FAT3: variants seen among roughly 807,000 people sequenced by gnomAD.
FAT3 encodes protocadherin Fat 3.
A neutral mutation model predicts 310.2 loss-of-function variants in FAT3; 95 were observed. That is an observed-to-expected ratio of 0.31 (90% confidence interval 0.26 to 0.36). The LOEUF (loss-of-function observed/expected upper bound fraction) is 0.36. Among genes scored for constraint, FAT3 ranks in the 10% least tolerant of loss-of-function variants. The pLI is 1.00. For synonymous variants in FAT3, 2,314 were observed against 2,192.9 expected, an observed-to-expected ratio of 1.06 and a Z score of -1.54; for missense variants, 5,408 against 5,715.6, an observed-to-expected ratio of 0.95 and a Z score of 1.74.
chr11:92,644,725 C>A (rs1240681742), intron 3 of FAT3, among the ~76,000 whole-genome samples: 1 of 152,226 alleles, frequency 6.6e-6, no homozygotes, highest in South Asian at 2.1e-4. Context: ...ATGCGCACTG[C>A]TGCCTTTTCA....
chr11:92,558,533 C>A (rs1432899129), intron 3 of FAT3, among the ~76,000 whole-genome samples: 1 of 152,050 alleles, frequency 6.6e-6, no homozygotes, highest in Non-Finnish European at 1.5e-5. Context: ...ACTGAGCAAG[C>A]CCTATTTGTC....
At chr11:92,351,999 G>C (rs1277848252) in intron 1 of FAT3, 97 bp from the exon 2 acceptor site, 1 of 806,106 alleles carries the variant, frequency 1.2e-6, no homozygotes, top group African/African-American at 1.8e-5. Flanking sequence ...TTGTGATAAA[G>C]TTTTAAAAAG....
At chr11:92,676,582 T>G (rs1031532962) in intron 3 of FAT3, among the ~76,000 whole-genome samples, 10 of 152,156 alleles carry the variant, frequency 6.6e-5, no homozygotes, top group Non-Finnish European at 7.3e-5. Context: ...ACCGTTCCAT[T>G]TCAATACATT....
intron 2 of FAT3, among the ~76,000 whole-genome samples, chr11:92,500,766 A>T (rs1414894942): frequency 6.6e-6 from 1 of 151,960 alleles, no homozygotes; most frequent in East Asian, 1.9e-4. Flanking sequence ...ACCTTAATTT[A>T]CCTCCAGGCA....
At chr11:92,655,207 AAATG>A (rs138538905) in intron 3 of FAT3, among the ~76,000 whole-genome samples, 12,120 of 151,898 alleles carry the variant, frequency 0.08, 1,589 homozygotes, top group African/African-American at 0.28. Flanking sequence ...TAGGATAGGT[AAATG>A]AATGAATGAA....
chr11:92,837,566 T>A, intron 16 of FAT3, 97 bp from the exon 17 acceptor site: 2 of 1,454,494 alleles, frequency 1.4e-6, no homozygotes, highest in Non-Finnish European at 1.9e-6. Flanking sequence ...TGGTTGCTCT[T>A]TAACAAAGCA....
intron 3 of FAT3, among the ~76,000 whole-genome samples, chr11:92,567,136 C>G (rs1056647882): frequency 3.3e-5 from 5 of 151,690 alleles, no homozygotes; most frequent in Non-Finnish European, 7.4e-5. Context: ...ACAACCTACT[C>G]ATCTGACAAA....
intron 1 of FAT3, among the ~76,000 whole-genome samples, chr11:92,239,954 G>C (rs1864607226): frequency 6.6e-6 from 1 of 152,098 alleles, no homozygotes; most frequent in East Asian, 1.9e-4. Flanking sequence ...TTCATTGCCT[G>C]AAGTAGATTC....
At chr11:92,411,688 G>T (rs897827442) in intron 2 of FAT3, among the ~76,000 whole-genome samples, 1 of 152,080 alleles carries the variant, frequency 6.6e-6, no homozygotes, top group Non-Finnish European at 1.5e-5. Context: ...GGAAAGCAAA[G>T]TTCGCAAAGT....
At chr11:92,707,802 G>C (rs933804306) in intron 4 of FAT3, among the ~76,000 whole-genome samples, 32 of 152,196 alleles carry the variant, frequency 2.1e-4, no homozygotes, top group African/African-American at 7.7e-4. Flanking sequence ...AGAAACCACT[G>C]AAGCTCATGC....
rs56843577 is a variant in FAT3 at position 92,805,185 on chromosome 11, C to G, written c.8929C>G (p.Leu2977Val). Reference protein sequence around the residue: ...GNPRGRFALGLVQSEWKVYVK... With the variant: ...GNPRGRFALGVVQSEWKVYVK... ...CCCTCGAGGAAGGTTTGCTCTGGGCCTGGTGCAAAGTGAGTGGAAGGTCTA... is the reference window on the plus strand; with the variant it reads ...CCCTCGAGGAAGGTTTGCTCTGGGCGTGGTGCAAAGTGAGTGGAAGGTCTA... Residue 2977 changes from leucine to valine, a missense_variant, in exon 11 of 28, where the codon CTG (leucine) becomes GTG (valine). Coordinates refer to ENST00000525166, the MANE Select transcript of FAT3 (RefSeq NM_001367949.2). 1.2e-6 allele frequency: 2 copies of G among 1,612,956 alleles called. No homozygotes were observed. The highest frequency in any genetic ancestry group is 2.2e-5 in the South Asian group (2 of 90,956).
Position 92,441,049 on chromosome 11 carries a change from A to G in FAT3, c.3293-83585A>G, listed in dbSNP as rs771876865. ...TCACTACTTGTCATTTATTAAGTTC[A>G]TAAGTGTATTGCATGTTAAACAGAG... On this transcript the variant is annotated intron_variant, in intron 2 of 27. Transcript: ENST00000525166. Among the ~76,000 whole-genome samples, 3 of 152,254 alleles carry G rather than the reference A, an allele frequency of 2.0e-5. No individual in the cohort carries two copies. The East Asian group carries it at 5.8e-4, about 29-fold the overall frequency.
At chr11:92,589,425 GCA>G (rs1012370678) in intron 3 of FAT3, among the ~76,000 whole-genome samples, 2 of 152,066 alleles carry the variant, frequency 1.3e-5, no homozygotes, top group Non-Finnish European at 2.9e-5. Context: ...CACATGACTA[GCA>G]CTTAAAGCCA....
intron 10 of FAT3, among the ~76,000 whole-genome samples, chr11:92,804,178 G>T (rs1029579681): frequency 1.3e-5 from 2 of 152,096 alleles, no homozygotes; most frequent in South Asian, 4.2e-4. Context: ...TATTTTTGCT[G>T]GTTTTGTCCA....
intron 4 of FAT3, among the ~76,000 whole-genome samples, chr11:92,745,021 T>C (rs895856582): frequency 6.6e-6 from 1 of 152,184 alleles, no homozygotes; most frequent in African/African-American, 2.4e-5. Context: ...ATTAAGCCTT[T>C]ACTGTGGAAA....
intron 1 of FAT3, among the ~76,000 whole-genome samples, chr11:92,258,912 G>A (rs1865423811): frequency 6.6e-6 from 1 of 151,884 alleles, no homozygotes; most frequent in Admixed American, 6.6e-5. Context: ...ATTCAGAGTG[G>A]GATGGAGAGG....
At chr11:92,406,260 A>G (rs767517441) in intron 2 of FAT3, among the ~76,000 whole-genome samples, 1 of 152,126 alleles carries the variant, frequency 6.6e-6, no homozygotes, top group Non-Finnish European at 1.5e-5. Flanking sequence ...CTCTTTTACC[A>G]TTTGAGCCAT....
At chr11:92,644,308 C>CT (rs1449213921) in intron 3 of FAT3, among the ~76,000 whole-genome samples, 3 of 152,208 alleles carry the variant, frequency 2.0e-5, no homozygotes, top group Non-Finnish European at 4.4e-5. Context: ...AGGGTTCCCT[C>CT]TATCAATTAT....
intron 7 of FAT3, among the ~76,000 whole-genome samples, chr11:92,777,978 G>A (rs1205680925): frequency 6.6e-6 from 1 of 151,834 alleles, no homozygotes; most frequent in Non-Finnish European, 1.5e-5. Context: ...CTTCATCAGA[G>A]ACATCAGAGC....
Sources: gnomAD v4.1 joint callset for allele counts (sites outside exome capture counted in the v4.1 genomes callset) on GRCh38, gnomAD v4.1.1 for gene constraint, MANE v1.5 for transcripts, NCBI Gene and HGNC (gene_info 2026-07-23, HGNC 2026-07-21) for gene names.